Variants in MCHR2 observed in about 807,000 individuals in gnomAD.
MCHR2 encodes the protein melanin-concentrating hormone receptor 2.
In MCHR2, 15 loss-of-function variants were observed where a neutral mutation model predicts 24.8. That is an observed-to-expected ratio of 0.60 (90% CI 0.40 to 0.93). The LOEUF is 0.93. Ranked by LOEUF, MCHR2 falls within the 40% of genes least tolerant of loss-of-function variation. The pLI is 0.00. For missense variants in MCHR2, 386 were observed against 408.7 expected, an observed-to-expected ratio of 0.94 and a Z score of 0.48; for synonymous variants, 151 against 147.6, an observed-to-expected ratio of 1.02 and a Z score of -0.17.
intron 3 of MCHR2, among the ~76,000 whole-genome samples, chr6:99,945,754 T>C (rs1774861556): frequency 6.6e-6 from 1 of 152,134 alleles, no homozygotes; most frequent in African/African-American, 2.4e-5. Flanking sequence ...CACTTGTTTC[T>C]TACCACCTGA....
intron 1 of MCHR2, among the ~76,000 whole-genome samples, chr6:99,988,464 C>A (rs1775807146): frequency 6.6e-6 from 1 of 152,200 alleles, no homozygotes; most frequent in Admixed American, 6.5e-5. Context: ...CTCTTTTGCA[C>A]ACTGGCCCAC....
intron 1 of MCHR2, among the ~76,000 whole-genome samples, chr6:99,969,348 T>C (rs9376620): frequency 0.99 from 149,668 of 151,662 alleles, 73,870 homozygotes; most frequent in Middle Eastern, 1. Flanking sequence ...GTGGCAGGTG[T>C]CTGTAATCCC....
At chr6:99,921,613 T>C (rs1337498768) in intron 5 of MCHR2, among the ~76,000 whole-genome samples, 1 of 152,262 alleles carries the variant, frequency 6.6e-6, no homozygotes, top group Non-Finnish European at 1.5e-5. Context: ...ATTTATACTT[T>C]GTATTACGAA....
chr6:99,961,163 G>A (rs545057354), intron 1 of MCHR2, among the ~76,000 whole-genome samples: 9 of 150,882 alleles, frequency 6.0e-5, no homozygotes, highest in Non-Finnish European at 1.2e-4. Context: ...GTGGGCAAAG[G>A]ATATGAACAG....
intron 4 of MCHR2, among the ~76,000 whole-genome samples, chr6:99,934,944 C>G (rs919006622): frequency 1.3e-5 from 2 of 151,958 alleles, no homozygotes; most frequent in African/African-American, 2.4e-5. Flanking sequence ...AACTGAGGCA[C>G]AGAGGGGTCA....
At chr6:99,988,014 C>T (rs1775801065) in intron 1 of MCHR2, among the ~76,000 whole-genome samples, 1 of 152,128 alleles carries the variant, frequency 6.6e-6, no homozygotes, top group Non-Finnish European at 1.5e-5. Context: ...CTAAGGCAGC[C>T]ATAGACTTCA....
chr6:99,990,118 C>T (rs1292234620), intron 1 of MCHR2, among the ~76,000 whole-genome samples: 1 of 152,022 alleles, frequency 6.6e-6, no homozygotes, highest in African/African-American at 2.4e-5. Context: ...AATGAATTAG[C>T]TCAATTATTT....
intron 4 of MCHR2, among the ~76,000 whole-genome samples, chr6:99,936,493 A>G (rs1355222905): frequency 6.6e-6 from 1 of 151,844 alleles, no homozygotes; most frequent in Non-Finnish European, 1.5e-5. Context: ...GATGAAGATG[A>G]GTTGGCTATA....
rs551949929 is a variant in MCHR2, at chr6:99,930,390, C to T, written c.707+4008G>A. On this transcript the variant is annotated intron_variant, in intron 5 of 5. Transcript: ENST00000281806. ...CCTGAATCTGAATGTTGGCCTCCCTCGCTAGATTGGGGAAGTTCTCCTGGA... is the reference window on the plus strand; with the variant it reads ...CCTGAATCTGAATGTTGGCCTCCCTTGCTAGATTGGGGAAGTTCTCCTGGA... Among the ~76,000 whole-genome samples the T allele has an allele frequency of 1.3e-3, 196 of 152,236 alleles. 1 individual carries two copies. Among genetic ancestry groups the T allele is most frequent in the Non-Finnish European group, 2.4e-3 (165 of 68,026 alleles).
intron 1 of MCHR2, among the ~76,000 whole-genome samples, chr6:99,992,373 T>G (rs963453533): frequency 3.3e-5 from 5 of 152,212 alleles, no homozygotes; most frequent in Non-Finnish European, 7.3e-5. Context: ...TCTTATGCAT[T>G]TAGCCCACAA....
At position 99,945,828 on chromosome 6, in the gene MCHR2, C is replaced by G. The variant is rs529372477; in HGVS notation, c.392+1934G>C. On this transcript the variant is annotated intron_variant, in intron 3 of 5. Transcript: ENST00000281806. Reference sequence around the variant, plus strand: ...AAATGTGAAATGAAATTTTAGCATACTATGTCCATTGGATTAAAACAAAAC... The same window carrying G: ...AAATGTGAAATGAAATTTTAGCATAGTATGTCCATTGGATTAAAACAAAAC... Among the ~76,000 whole-genome samples the G allele has an allele frequency of 3.3e-5, 5 of 152,216 alleles. No individual in the cohort carries two copies. In the East Asian group the frequency reaches 9.7e-4, roughly 29 times the overall value.
At chr6:99,967,220 A>T (rs1487685080) in intron 1 of MCHR2, among the ~76,000 whole-genome samples, 1 of 152,030 alleles carries the variant, frequency 6.6e-6, no homozygotes, top group African/African-American at 2.4e-5. Flanking sequence ...TGACAGTGTC[A>T]GTTTAATGTA....
intron 2 of MCHR2, among the ~76,000 whole-genome samples, chr6:99,953,982 G>C (rs1001998622): frequency 6.6e-6 from 1 of 151,934 alleles, no homozygotes; most frequent in Non-Finnish European, 1.5e-5. Context: ...CTGATGAGAC[G>C]CCACCTGGGG....
intron 3 of MCHR2, among the ~76,000 whole-genome samples, chr6:99,946,619 T>A (rs1227950851): frequency 1.3e-5 from 2 of 152,264 alleles, no homozygotes; most frequent in East Asian, 3.9e-4. Context: ...ACATTTATGA[T>A]ATATTGGTGG....
rs1774207683 is a variant in MCHR2, at chr6:99,920,835, G to T, written c.*105C>A. The T allele has an allele frequency of 3.6e-6, 4 of 1,121,408 alleles. No individual in the cohort carries two copies. The highest frequency in any genetic ancestry group is 2.6e-6 in the Non-Finnish European group (2 of 769,384). 69.5% of individuals were successfully genotyped at this position (1,121,408 alleles called of 1,614,324 possible). On this transcript the variant is annotated 3_prime_UTR_variant, in exon 6 of 6. Coordinates refer to ENST00000281806, the MANE Select transcript of MCHR2 (RefSeq NM_001040179.2). Reference sequence around the variant, plus strand: ...TCTTCCATGCTGCTAAGAGTCACAAGTACACAAGAAGAATGGGCATAAACA... The same window carrying T: ...TCTTCCATGCTGCTAAGAGTCACAATTACACAAGAAGAATGGGCATAAACA...
At position 99,956,344 on chromosome 6, in the gene MCHR2, T is replaced by C. The variant is rs901602803; in HGVS notation, c.-27-170A>G. ...CCCTGTTCATAGTAATCTCACAGAT[T>C]ACCACAAGAGATAGGTAAACAGCAA... On this transcript the variant is annotated intron_variant, in intron 1 of 5. Transcript: ENST00000281806. Among the ~76,000 whole-genome samples the C allele has an allele frequency of 6.6e-5, 10 of 152,132 alleles. 1 individual carries two copies. The highest frequency in any genetic ancestry group is 6.6e-4 in the Admixed American group (10 of 15,248).
intron 5 of MCHR2, among the ~76,000 whole-genome samples, chr6:99,932,590 T>C (rs2045953761): frequency 6.6e-6 from 1 of 152,194 alleles, no homozygotes; most frequent in Non-Finnish European, 1.5e-5. Flanking sequence ...ATGTGACCCC[T>C]GATATACTGT....
At chr6:99,940,631 A>C (rs112497233) in intron 4 of MCHR2, among the ~76,000 whole-genome samples, 4 of 151,984 alleles carry the variant, frequency 2.6e-5, no homozygotes, top group African/African-American at 7.3e-5. Flanking sequence ...ATGGATGTAC[A>C]TCTATGTCTT....
chr6:99,986,116 A>G (rs1017259789), intron 1 of MCHR2, among the ~76,000 whole-genome samples: 1 of 152,212 alleles, frequency 6.6e-6, no homozygotes, highest in African/African-American at 2.4e-5. Context: ...AATTAAAACC[A>G]TAATGAGATA....
Sources: gnomAD v4.1 joint callset for allele counts (sites outside exome capture counted in the v4.1 genomes callset) on GRCh38, gnomAD v4.1.1 for gene constraint, MANE v1.5 for transcripts, NCBI Gene and HGNC (gene_info 2026-07-23, HGNC 2026-07-21) for gene names.